The following ADAMTSL3 variants were observed in gnomAD, a reference collection of about 807,000 sequenced individuals.
ADAMTSL3 encodes the protein ADAMTS-like protein 3.
A neutral mutation model predicts 201.7 loss-of-function variants in ADAMTSL3; 128 were observed. The observed-to-expected ratio is 0.63, with a 90% confidence interval of 0.55 to 0.73. The LOEUF is 0.73. ADAMTSL3 is among the 30% of genes least tolerant of loss of function. ADAMTSL3 has a pLI of 0.00. For missense variants in ADAMTSL3, 1,990 were observed against 2,119.6 expected (o/e 0.94, Z 1.20); for synonymous variants, 738 against 748.4 (o/e 0.99, Z 0.23).
rs562705362 is a variant in ADAMTSL3 at position 83,828,854 on chromosome 15, C to A, written c.600+8807C>A. Among the ~76,000 whole-genome samples the A allele has an allele frequency of 2.0e-5, 3 of 152,236 alleles. No homozygotes were observed. The South Asian group carries it at 6.2e-4, about 32-fold the overall frequency. On this transcript the variant is annotated intron_variant, in intron 6 of 29. Transcript: ENST00000286744. ...TATTGATTTTCATATGTTGAACCAG[C>A]CTTGCATAGCAGGGATGAAGCCCAC...
At chr15:83,837,079 T>C (rs2064288065) in intron 6 of ADAMTSL3, among the ~76,000 whole-genome samples, 1 of 152,160 alleles carries the variant, frequency 6.6e-6, no homozygotes, top group Non-Finnish European at 1.5e-5. Context: ...CACACACATA[T>C]GTACACATGA....
intron 17 of ADAMTSL3, among the ~76,000 whole-genome samples, chr15:83,938,631 CT>C (rs201327533): frequency 3.3e-5 from 5 of 151,356 alleles, no homozygotes; most frequent in African/African-American, 4.8e-5. Flanking sequence ...AATCTCCTTA[CT>C]TTTTTTTTGT....
intron 3 of ADAMTSL3, among the ~76,000 whole-genome samples, chr15:83,731,205 A>G (rs1289173598): frequency 6.6e-6 from 1 of 152,066 alleles, no homozygotes; most frequent in Non-Finnish European, 1.5e-5. Context: ...ATCGGGAAGT[A>G]TAGTAGGAAG....
At chr15:83,983,795 G>T (rs1162762013) in intron 21 of ADAMTSL3, among the ~76,000 whole-genome samples, 2 of 152,118 alleles carry the variant, frequency 1.3e-5, no homozygotes, top group Non-Finnish European at 2.9e-5. Flanking sequence ...CAGGGCAGGG[G>T]TTAACCTTTC....
At chr15:83,917,419 G>GTATT (rs1567235099) in intron 16 of ADAMTSL3, among the ~76,000 whole-genome samples, 1 of 148,648 alleles carries the variant, frequency 6.7e-6, no homozygotes, top group South Asian at 2.1e-4. Flanking sequence ...CAAAGTGTGT[G>GTATT]TATGTATGTA....
At chr15:83,810,747 T>A (rs1230937950) in intron 5 of ADAMTSL3, among the ~76,000 whole-genome samples, 10 of 152,196 alleles carry the variant, frequency 6.6e-5, no homozygotes, top group African/African-American at 2.4e-4. Context: ...TTTTCTTTTA[T>A]TTTTCTTTTG....
chr15:84,031,677 T>G (rs1204337574), intron 28 of ADAMTSL3, among the ~76,000 whole-genome samples: 1 of 152,208 alleles, frequency 6.6e-6, no homozygotes, highest in Non-Finnish European at 1.5e-5. Context: ...CTCTATGTGG[T>G]AAAAGGGGAA....
Position 84,039,358 on chromosome 15 carries a change from T to A in ADAMTSL3, c.*1552T>A, listed in dbSNP as rs527787342. The A allele has an allele frequency of 4.5e-4, 69 of 152,718 alleles. No homozygotes were observed. The highest frequency in any genetic ancestry group is 7.6e-4 in the Non-Finnish European group (52 of 68,082). The allele number at this position is 152,718 out of a possible 1,614,324, so 9.5% of individuals were successfully genotyped here. ...TACCATATTCTGAGCACACGGTCTC[T>A]TTTGTTCTAACTTCAGCTTCACTGA... is the stretch of plus-strand genomic sequence containing the variant. On this transcript the variant is annotated 3_prime_UTR_variant, in exon 30 of 30. Transcript: ENST00000286744.
chr15:83,880,480 A>G (rs2065249457), intron 9 of ADAMTSL3, among the ~76,000 whole-genome samples: 3 of 152,232 alleles, frequency 2.0e-5, no homozygotes, highest in African/African-American at 7.2e-5. Context: ...GTTGCAACAG[A>G]AACCATGTAG....
At chr15:83,819,622 ATC>A (rs981458991) in intron 5 of ADAMTSL3, among the ~76,000 whole-genome samples, 187 bp from the exon 6 acceptor site, 40 of 149,366 alleles carry the variant, frequency 2.7e-4, no homozygotes, top group African/African-American at 9.9e-4. Context: ...TATTGCAGTG[ATC>A]TCTGTGGAAT....
chr15:84,015,133 A>T (rs2068068511), intron 24 of ADAMTSL3, among the ~76,000 whole-genome samples: 1 of 152,018 alleles, frequency 6.6e-6, no homozygotes, highest in African/African-American at 2.4e-5. Context: ...TTTAGTAGAG[A>T]TGGGGTTTCA....
chr15:83,667,069 C>A (rs1013651017), intron 2 of ADAMTSL3, among the ~76,000 whole-genome samples: 4 of 151,936 alleles, frequency 2.6e-5, no homozygotes, highest in Non-Finnish European at 4.4e-5. Context: ...GTCTAGGAGG[C>A]TCTTAATTTT....
chr15:84,014,443 G>T, intron 23 of ADAMTSL3, 99 bp from the exon 24 acceptor site: 1 of 1,124,864 alleles, frequency 8.9e-7, no homozygotes, highest in Non-Finnish European at 1.3e-6. Flanking sequence ...AAACCCATAT[G>T]CTGACTTACG....
At chr15:83,730,051 G>A (rs1272629824) in intron 3 of ADAMTSL3, among the ~76,000 whole-genome samples, 1 of 151,876 alleles carries the variant, frequency 6.6e-6, no homozygotes, top group Admixed American at 6.6e-5. Flanking sequence ...AAATCCACTG[G>A]GTATAAAAAC....
chr15:84,034,940 T>C (rs1168542630), intron 28 of ADAMTSL3, among the ~76,000 whole-genome samples: 1 of 152,220 alleles, frequency 6.6e-6, no homozygotes, highest in African/African-American at 2.4e-5. Flanking sequence ...ATGTGCATAG[T>C]GCAGGTGCCC....
chr15:83,958,992 G>A (rs1251783342), intron 19 of ADAMTSL3, among the ~76,000 whole-genome samples: 2 of 152,014 alleles, frequency 1.3e-5, no homozygotes, highest in Admixed American at 6.6e-5. Context: ...AAAAGACAAG[G>A]AAATAAAATT....
chr15:83,867,588 A>G (rs978454170), intron 8 of ADAMTSL3, among the ~76,000 whole-genome samples: 1 of 152,236 alleles, frequency 6.6e-6, no homozygotes, highest in Non-Finnish European at 1.5e-5. Flanking sequence ...AAATATAAGC[A>G]TGGATGCAGT....
intron 5 of ADAMTSL3, among the ~76,000 whole-genome samples, chr15:83,806,723 A>C (rs1031371792): frequency 2.6e-5 from 4 of 151,964 alleles, no homozygotes; most frequent in African/African-American, 9.7e-5. Context: ...GTGTGGTGGC[A>C]CTCACCTGTA....
chr15:83,759,370 T>G (rs367867813), intron 3 of ADAMTSL3, among the ~76,000 whole-genome samples: 1 of 151,874 alleles, frequency 6.6e-6, no homozygotes, highest in African/African-American at 2.4e-5. Flanking sequence ...GGACTACAGG[T>G]GCCCGCCACC....
Sources: gnomAD v4.1 joint callset for allele counts (sites outside exome capture counted in the v4.1 genomes callset) on GRCh38, gnomAD v4.1.1 for gene constraint, MANE v1.5 for transcripts, NCBI Gene and HGNC (gene_info 2026-07-23, HGNC 2026-07-21) for gene names.